Variants in RPS6KC1 observed in about 807,000 individuals in gnomAD.
RPS6KC1 encodes inactive ribosomal protein S6 kinase delta-1.
Under a neutral mutation model 103.8 loss-of-function variants are expected in RPS6KC1, and 54 were observed. The ratio of observed to expected loss-of-function variants is 0.52; its 90% CI spans 0.42 to 0.65. The LOEUF (loss-of-function observed/expected upper bound fraction) is 0.65. Among genes scored for constraint, RPS6KC1 ranks in the 30% least tolerant of loss-of-function variants. The pLI, the probability that RPS6KC1 is intolerant of heterozygous loss-of-function variation, is 0.00. For synonymous variants in RPS6KC1, 439 were observed against 438.7 expected (o/e 1.00, Z -0.01); for missense variants, 1,151 against 1,253.8 (o/e 0.92, Z 1.24).
chr1:213,461,190 A>G, the RPS6KC1 span, among the ~76,000 whole-genome samples: 1 of 152,254 alleles, frequency 6.6e-6, no homozygotes, highest in South Asian at 2.1e-4. Flanking sequence ...CAATTGCTAC[A>G]AAGAGAATAA....
the RPS6KC1 span, among the ~76,000 whole-genome samples, chr1:213,816,044 G>T: frequency 6.6e-6 from 1 of 152,140 alleles, no homozygotes; most frequent in Non-Finnish European, 1.5e-5. Context: ...GGAAACAGTC[G>T]GTTGGTGGAG....
chr1:213,154,314 A>G (rs1049123713), intron 6 of RPS6KC1, among the ~76,000 whole-genome samples: 1 of 152,230 alleles, frequency 6.6e-6, no homozygotes, highest in African/African-American at 2.4e-5. Context: ...CAGCAAAGCC[A>G]GCCAGGCCTG....
chr1:213,813,176 G>A, the RPS6KC1 span, among the ~76,000 whole-genome samples: 1 of 151,974 alleles, frequency 6.6e-6, no homozygotes, highest in African/African-American at 2.4e-5. Context: ...ACTTGAACCC[G>A]GGAGGCAGAA....
the RPS6KC1 span, among the ~76,000 whole-genome samples, chr1:213,594,232 T>C: frequency 6.6e-6 from 1 of 152,198 alleles, no homozygotes; most frequent in Non-Finnish European, 1.5e-5. Flanking sequence ...TAGGATTACA[T>C]TTGACTTTAG....
In RPS6KC1 at chr1:213,241,837, A is replaced by G. The variant is rs1365570913; in HGVS notation, c.2361A>G (p.Gly787=). 6.2e-7 allele frequency: 1 copy of G among 1,614,018 alleles called. No homozygotes were observed. The highest frequency in any genetic ancestry group is 1.3e-5 in the African/African-American group (1 of 75,038). Residue 787 remains glycine (G), a synonymous_variant, in exon 11 of 15, where the codon GGA becomes GGG. Coordinates refer to ENST00000366960, the MANE Select transcript of RPS6KC1 (RefSeq NM_012424.6). ...CAGCTGTTGATCATAGTAGTTCAGG[A>G]GATATGTCTTTGTTACCCAGCTCAG... ...FVAAVDHSSS[G]DMSLLPSSDP...
chr1:213,750,732 T>C, the RPS6KC1 span, among the ~76,000 whole-genome samples: 1 of 152,092 alleles, frequency 6.6e-6, no homozygotes, highest in Non-Finnish European at 1.5e-5. Flanking sequence ...GGTTCACGAG[T>C]GAGTAGGACT....
At chr1:213,426,063 T>C in the RPS6KC1 span, among the ~76,000 whole-genome samples, 3 of 152,168 alleles carry the variant, frequency 2.0e-5, no homozygotes, top group African/African-American at 4.8e-5. Context: ...GAGCCCCCTT[T>C]TTCCCCATGT....
At chr1:213,551,737 G>A in the RPS6KC1 span, among the ~76,000 whole-genome samples, 46 of 152,202 alleles carry the variant, frequency 3.0e-4, no homozygotes, top group African/African-American at 1.0e-3. Flanking sequence ...CGTTTACGCC[G>A]GGGTTCTTTC....
the RPS6KC1 span, among the ~76,000 whole-genome samples, chr1:213,531,928 A>T: frequency 1.3e-5 from 2 of 152,100 alleles, no homozygotes; most frequent in African/African-American, 4.8e-5. Flanking sequence ...CCTAAGTTCT[A>T]TCTGTCCCCA....
chr1:213,062,351 A>G (rs1208046280), intron 1 of RPS6KC1, among the ~76,000 whole-genome samples: 1 of 152,208 alleles, frequency 6.6e-6, no homozygotes. Flanking sequence ...TGTCCCCAAT[A>G]TATTTCATGT....
the RPS6KC1 span, among the ~76,000 whole-genome samples, chr1:213,390,847 C>A: frequency 6.6e-6 from 1 of 152,094 alleles, no homozygotes; most frequent in African/African-American, 2.4e-5. Context: ...CTTTATTTTG[C>A]AGCCAAATAT....
chr1:213,718,575 C>T, the RPS6KC1 span, among the ~76,000 whole-genome samples: 534 of 152,338 alleles, frequency 3.5e-3, 2 homozygotes, highest in African/African-American at 0.012. Flanking sequence ...ATGAAAGAGA[C>T]ACTGGTCGTT....
chr1:213,439,540 G>C, the RPS6KC1 span, among the ~76,000 whole-genome samples: 62 of 152,252 alleles, frequency 4.1e-4, 1 homozygote, highest in South Asian at 0.012. Flanking sequence ...TACTGAGAGA[G>C]GTTGAAGTGC....
chr1:213,245,642 T>C (rs2094442510), intron 12 of RPS6KC1, among the ~76,000 whole-genome samples: 2 of 152,170 alleles, frequency 1.3e-5, no homozygotes, highest in Admixed American at 6.5e-5. Flanking sequence ...TGATGTGCCT[T>C]TATATTTTGA....
the RPS6KC1 span, among the ~76,000 whole-genome samples, chr1:213,788,709 C>A: frequency 6.6e-6 from 1 of 152,160 alleles, no homozygotes; most frequent in African/African-American, 2.4e-5. Context: ...GCTACAAAAT[C>A]TCTCTTAACA....
chr1:213,780,273 G>A, the RPS6KC1 span, among the ~76,000 whole-genome samples: 7 of 152,282 alleles, frequency 4.6e-5, no homozygotes, highest in South Asian at 2.1e-4. Flanking sequence ...ACAAGTTCAC[G>A]GGTGAACAAG....
the RPS6KC1 span, among the ~76,000 whole-genome samples, chr1:213,586,695 C>T: frequency 6.6e-6 from 1 of 152,174 alleles, no homozygotes; most frequent in South Asian, 2.1e-4. Flanking sequence ...GATCTTTCCT[C>T]CCCTCCCACC....
At chr1:213,449,412 C>T in the RPS6KC1 span, among the ~76,000 whole-genome samples, 2 of 152,124 alleles carry the variant, frequency 1.3e-5, no homozygotes. Context: ...GGCTTGGGTT[C>T]CCCCGAGGCC....
chr1:213,243,876 A>T (rs143216958), intron 12 of RPS6KC1, among the ~76,000 whole-genome samples: 12 of 152,202 alleles, frequency 7.9e-5, no homozygotes, highest in Non-Finnish European at 1.6e-4. Context: ...AAGTGATGAT[A>T]ATAAGGATTA....
Sources: gnomAD v4.1 joint callset for allele counts (sites outside exome capture counted in the v4.1 genomes callset) on GRCh38, gnomAD v4.1.1 for gene constraint, MANE v1.5 for transcripts, NCBI Gene and HGNC (gene_info 2026-07-23, HGNC 2026-07-21) for gene names.